Variants in RPS6KA2 observed in about 807,000 individuals in gnomAD.
RPS6KA2 encodes ribosomal protein S6 kinase alpha-2.
In RPS6KA2, 42 loss-of-function variants were observed where a neutral mutation model predicts 91.8. The ratio of observed to expected loss-of-function variants is 0.46; its 90% CI spans 0.36 to 0.59. The LOEUF (loss-of-function observed/expected upper bound fraction) is 0.59, where lower values mean the gene tolerates loss of function less well. Ranked by LOEUF, RPS6KA2 falls within the 20% of genes least tolerant of loss-of-function variation. RPS6KA2 has a pLI of 0.00. For synonymous variants in RPS6KA2, 414 were observed against 393.6 expected (o/e 1.05, Z -0.61); for missense variants, 798 against 978.5 (o/e 0.82, Z 2.46).
At chr6:166,574,562 A>G (rs1188398111) in intron 1 of RPS6KA2, among the ~76,000 whole-genome samples, 2 of 152,244 alleles carry the variant, frequency 1.3e-5, no homozygotes, top group African/African-American at 2.4e-5. Flanking sequence ...TCCACCATTA[A>G]TGAGCACCTA....
chr6:166,550,638 G>A (rs1783970535), intron 1 of RPS6KA2, among the ~76,000 whole-genome samples: 1 of 152,076 alleles, frequency 6.6e-6, no homozygotes, highest in Non-Finnish European at 1.5e-5. Context: ...ATTTTTTCCT[G>A]GGAGGTGGGT....
At position 166,418,437 on chromosome 6, in the gene RPS6KA2, A is replaced by C; in HGVS notation, c.1821-95T>G. The C allele has an allele frequency of 3.3e-6, 3 of 916,938 alleles. No homozygotes were observed. The highest frequency in any genetic ancestry group is 5.3e-6 in the Non-Finnish European group (3 of 562,368). 56.8% of individuals were successfully genotyped at this position (916,938 alleles called of 1,614,324 possible). A position where few individuals can be genotyped will look rare whatever the true frequency, so the allele number is the denominator to read the frequency against. Reference sequence around the variant, plus strand: ...TATCACCCCTTGGCTGTTCAAAGGAATAGCACTTTGCTTCTCCCTCCTCTG... The same window carrying C: ...TATCACCCCTTGGCTGTTCAAAGGACTAGCACTTTGCTTCTCCCTCCTCTG... On this transcript the variant is annotated intron_variant, in intron 18 of 20. Coordinates refer to ENST00000265678, the MANE Select transcript of RPS6KA2 (RefSeq NM_021135.6). This position sits in a 1 kb window ranked among gnomAD's most constrained non-coding sequence, Gnocchi z 4.9.
chr6:166,561,113 G>A (rs1265558842), intron 1 of RPS6KA2, among the ~76,000 whole-genome samples: 1 of 151,982 alleles, frequency 6.6e-6, no homozygotes, highest in Non-Finnish European at 1.5e-5. Context: ...TCATATAAAC[G>A]ACCTTCCTCC....
At chr6:166,592,636 C>A (rs1785390910) in intron 1 of RPS6KA2, among the ~76,000 whole-genome samples, 1 of 151,670 alleles carries the variant, frequency 6.6e-6, no homozygotes, top group Non-Finnish European at 1.5e-5. Flanking sequence ...GACAGAAGCA[C>A]AGAAAGGGAC....
intron 2 of RPS6KA2, among the ~76,000 whole-genome samples, chr6:166,699,286 AGGAAGTGGGTTCTCAGG>A (rs1273444769): frequency 1.3e-5 from 2 of 152,332 alleles, no homozygotes; most frequent in South Asian, 2.1e-4. Flanking sequence ...AGGATCACAA[AGGAAGTGGGTTCTCAGG>A]AGCCATCAGA....
chr6:166,576,722 T>C (rs1721963396), intron 1 of RPS6KA2, among the ~76,000 whole-genome samples: 1 of 152,170 alleles, frequency 6.6e-6, no homozygotes, highest in African/African-American at 2.4e-5. Context: ...TTCAGAAAAT[T>C]TGCAGCCTGA....
chr6:166,637,673 T>C (rs6941412), intron 2 of RPS6KA2, among the ~76,000 whole-genome samples: 50,283 of 152,160 alleles, frequency 0.33, 8,787 homozygotes, highest in East Asian at 0.46. Flanking sequence ...TGGAAAGTGA[T>C]AGGGTCCTCA....
chr6:166,807,556 G>A (rs1779523174), intron 2 of RPS6KA2, among the ~76,000 whole-genome samples: 1 of 151,852 alleles, frequency 6.6e-6, no homozygotes, highest in African/African-American at 2.4e-5. Context: ...CAGACCCCAG[G>A]GGCTCTCCAT....
At chr6:166,492,650 G>A (rs544973674) in intron 8 of RPS6KA2, among the ~76,000 whole-genome samples, 8 of 152,180 alleles carry the variant, frequency 5.3e-5, no homozygotes, top group East Asian at 1.9e-4. Flanking sequence ...CCAGATGCCC[G>A]GATATCATTT....
chr6:166,681,980 C>T (rs1788831278), intron 2 of RPS6KA2, among the ~76,000 whole-genome samples: 1 of 152,150 alleles, frequency 6.6e-6, no homozygotes, highest in Non-Finnish European at 1.5e-5. Context: ...AGGTTTAAGT[C>T]TTCTGATGCC....
intron 5 of RPS6KA2, among the ~76,000 whole-genome samples, chr6:166,505,711 G>A (rs1438540773): frequency 6.6e-6 from 1 of 152,216 alleles, no homozygotes; most frequent in East Asian, 1.9e-4. Context: ...CGCAGGCTCT[G>A]CATCCTGACA....
intron 1 of RPS6KA2, among the ~76,000 whole-genome samples, chr6:166,559,041 G>T (rs1784262043): frequency 6.6e-6 from 1 of 152,162 alleles, no homozygotes; most frequent in African/African-American, 2.4e-5. Context: ...AAAGGCATGT[G>T]GGCTCCTGAT....
intron 1 of RPS6KA2, among the ~76,000 whole-genome samples, chr6:166,594,742 G>A (rs1426046107): frequency 3.3e-5 from 5 of 152,166 alleles, no homozygotes; most frequent in Admixed American, 6.5e-5. Flanking sequence ...GATTACAGGC[G>A]TGAGCCACTG....
chr6:166,612,660 TGTCCGGGC>T lies in RPS6KA2; in HGVS notation c.99+14253_99+14260del, dbSNP rs757016688. On this transcript the variant is annotated intron_variant, in intron 1 of 20. Coordinates refer to ENST00000265678, the MANE Select transcript of RPS6KA2 (RefSeq NM_021135.6). The surrounding 1 kb of genome is among the most constrained non-coding windows in gnomAD (Gnocchi z 4.3). ...GTGGGCTGTGCTCCATTTATCACTC[TGTCCGGGC>T]GTCTGTTGTTACCCATGCTCGGGTA... 2.2e-4 allele frequency among the ~76,000 whole-genome samples: 34 copies of T among 152,318 alleles called. No individual in the cohort carries two copies. Among genetic ancestry groups the T allele is most frequent in the Non-Finnish European group, 4.3e-4 (29 of 68,030 alleles).
At chr6:166,645,288 A>C (rs1787572347) in intron 2 of RPS6KA2, among the ~76,000 whole-genome samples, 1 of 152,248 alleles carries the variant, frequency 6.6e-6, no homozygotes, top group Non-Finnish European at 1.5e-5. Context: ...GGCTGCCAAT[A>C]AGATAAATTA....
chr6:166,659,277 T>C (rs1014280135), intron 2 of RPS6KA2, among the ~76,000 whole-genome samples: 1 of 152,262 alleles, frequency 6.6e-6, no homozygotes, highest in African/African-American at 2.4e-5. Flanking sequence ...TCGCTCATTA[T>C]GTTTTTAAAT....
intron 2 of RPS6KA2, among the ~76,000 whole-genome samples, chr6:166,647,905 CACACAT>C (rs757292847): frequency 6.6e-5 from 10 of 150,536 alleles, no homozygotes; most frequent in Non-Finnish European, 1.3e-4. Context: ...CACATGCTCA[CACACAT>C]GCACATGCTC....
At chr6:166,676,427 T>C (rs9295360) in intron 2 of RPS6KA2, among the ~76,000 whole-genome samples, 72,341 of 151,980 alleles carry the variant, frequency 0.48, 18,359 homozygotes, top group African/African-American at 0.67. Context: ...CCCTAGAAAG[T>C]GTGGCCGGTT....
At chr6:166,858,403 C>T in intron 1 of RPS6KA2, 1 of 622,112 alleles carries the variant, frequency 1.6e-6, no homozygotes, top group Non-Finnish European at 2.9e-6. Context: ...ACCGTCCCTT[C>T]CCACCTGAAT....
Sources: allele counts gnomAD v4.1 joint callset (sites outside exome capture counted in the v4.1 genomes callset), GRCh38; gene constraint gnomAD v4.1.1; non-coding constraint Gnocchi (gnomAD v3.1); transcripts MANE v1.5; gene names NCBI Gene and HGNC (gene_info 2026-07-23, HGNC 2026-07-21).